The following HS3ST5 variants were observed in gnomAD, a reference collection of about 807,000 sequenced individuals.
HS3ST5 encodes heparan sulfate glucosamine 3-O-sulfotransferase 5.
HS3ST5 carries 10 observed loss-of-function variants against 25.4 expected under a neutral mutation model. The ratio of observed to expected loss-of-function variants is 0.39; its 90% confidence interval spans 0.24 to 0.67. HS3ST5 has a LOEUF of 0.67. Among genes scored for constraint, HS3ST5 ranks in the 30% least tolerant of loss-of-function variants. HS3ST5 has a pLI of 0.44. For missense variants in HS3ST5, 324 were observed against 420.7 expected (o/e 0.77, Z 2.01); for synonymous variants, 170 against 162.4 (o/e 1.05, Z -0.36).
chr6:114,162,888 A>G (rs1265448977), intron 3 of HS3ST5, among the ~76,000 whole-genome samples: 1 of 152,078 alleles, frequency 6.6e-6, no homozygotes, highest in Non-Finnish European at 1.5e-5. Flanking sequence ...CAGTTGCAAT[A>G]TTACGTAACT....
chr6:114,147,761 A>G (rs548146888), intron 3 of HS3ST5, among the ~76,000 whole-genome samples: 2 of 152,216 alleles, frequency 1.3e-5, no homozygotes, highest in Admixed American at 1.3e-4. Flanking sequence ...TTGTATTTTT[A>G]GTAGAGACAG....
At chr6:114,081,365 A>T (rs977325130) in intron 3 of HS3ST5, among the ~76,000 whole-genome samples, 4 of 152,234 alleles carry the variant, frequency 2.6e-5, no homozygotes, top group African/African-American at 9.6e-5. Flanking sequence ...AATTAAAAAA[A>T]AAAAGCAGTA....
intron 2 of HS3ST5, among the ~76,000 whole-genome samples, chr6:114,198,352 G>A (rs1475089481): frequency 6.6e-6 from 1 of 152,116 alleles, no homozygotes; most frequent in East Asian, 1.9e-4. Context: ...AAGCAACTTG[G>A]AAAACATATT....
chr6:114,204,153 G>C (rs1444862929), intron 2 of HS3ST5, among the ~76,000 whole-genome samples: 2 of 152,162 alleles, frequency 1.3e-5, no homozygotes, highest in Non-Finnish European at 2.9e-5. Context: ...CTTTGTTCAG[G>C]TGTGGTTACA....
chr6:114,331,695 A>G (rs1008010357), intron 1 of HS3ST5, among the ~76,000 whole-genome samples: 13 of 151,918 alleles, frequency 8.6e-5, no homozygotes, highest in Non-Finnish European at 1.0e-4. Flanking sequence ...ATGCACATCT[A>G]AAAAAAGAGT....
chr6:114,332,984 T>C (rs549558312), intron 1 of HS3ST5, among the ~76,000 whole-genome samples: 30 of 152,188 alleles, frequency 2.0e-4, no homozygotes, highest in Admixed American at 1.3e-3. Context: ...GCTTTGTAGG[T>C]TGAGCTAGTT....
At chr6:114,254,051 GGAGAAAAGA>G in intron 1 of HS3ST5, among the ~76,000 whole-genome samples, 1 of 152,276 alleles carries the variant, frequency 6.6e-6, no homozygotes, top group Non-Finnish European at 1.5e-5. Context: ...TAAAAGGAGA[GGAGAAAAGA>G]GAGAGAAGAG....
chr6:114,283,868 C>A (rs147757746), intron 1 of HS3ST5, among the ~76,000 whole-genome samples: 2 of 151,990 alleles, frequency 1.3e-5, no homozygotes, highest in African/African-American at 2.4e-5. Flanking sequence ...TTTTCAGAAG[C>A]AGGTGGATTA....
intron 3 of HS3ST5, among the ~76,000 whole-genome samples, chr6:114,090,149 T>TTAACAGAA (rs1167195303): frequency 2.0e-5 from 3 of 152,180 alleles, no homozygotes; most frequent in African/African-American, 7.2e-5. Flanking sequence ...GTCCGTGCTT[T>TTAACAGAA]TAAACAGAAT....
intron 1 of HS3ST5, among the ~76,000 whole-genome samples, chr6:114,327,028 A>C (rs1354117851): frequency 6.6e-6 from 1 of 151,478 alleles, no homozygotes; most frequent in African/African-American, 2.5e-5. Flanking sequence ...GTATCCACAC[A>C]ACTGCTGTTT....
intron 1 of HS3ST5, among the ~76,000 whole-genome samples, chr6:114,246,472 A>G (rs1192189206): frequency 1.3e-5 from 2 of 152,234 alleles, no homozygotes; most frequent in African/African-American, 4.8e-5. Flanking sequence ...GAGGGCTTCA[A>G]CAACAATGTT....
chr6:114,287,286 AC>A (rs1010029099), intron 1 of HS3ST5, among the ~76,000 whole-genome samples: 1 of 151,984 alleles, frequency 6.6e-6, no homozygotes, highest in Non-Finnish European at 1.5e-5. Flanking sequence ...TCATTAGTTT[AC>A]AAACCCTATC....
chr6:114,295,209 G>A (rs1774764516), intron 1 of HS3ST5, among the ~76,000 whole-genome samples: 1 of 151,936 alleles, frequency 6.6e-6, no homozygotes, highest in Admixed American at 6.6e-5. Flanking sequence ...GAAAATAAGG[G>A]GAAAAATAAA....
chr6:114,099,962 G>GA (rs1445138254), intron 3 of HS3ST5, among the ~76,000 whole-genome samples: 1 of 152,112 alleles, frequency 6.6e-6, no homozygotes, highest in Non-Finnish European at 1.5e-5. Context: ...CTAAGAAATG[G>GA]AAAAAAATGT....
intron 3 of HS3ST5, among the ~76,000 whole-genome samples, chr6:114,126,929 C>G (rs906771006): frequency 2.0e-5 from 3 of 152,128 alleles, no homozygotes; most frequent in African/African-American, 7.2e-5. Flanking sequence ...GCCAACTGTG[C>G]GACCCTTAAG....
At chr6:114,154,849 T>A (rs926220261) in intron 3 of HS3ST5, among the ~76,000 whole-genome samples, 57 of 152,300 alleles carry the variant, frequency 3.7e-4, no homozygotes, top group African/African-American at 1.2e-3. Context: ...CTGATAAGTC[T>A]TCCCTGACTG....
intron 3 of HS3ST5, among the ~76,000 whole-genome samples, chr6:114,081,823 A>G (rs1774465535): frequency 6.6e-6 from 1 of 152,220 alleles, no homozygotes; most frequent in Non-Finnish European, 1.5e-5. Flanking sequence ...TATCAATACC[A>G]TCGCTCACTA....
At chr6:114,331,286 T>TAAAA (rs1776385391) in intron 1 of HS3ST5, among the ~76,000 whole-genome samples, 2 of 152,212 alleles carry the variant, frequency 1.3e-5, no homozygotes, top group African/African-American at 4.8e-5. Flanking sequence ...ATCTTCAAAA[T>TAAAA]AGTTTAAGAA....
intron 2 of HS3ST5, among the ~76,000 whole-genome samples, chr6:114,210,058 T>C (rs1447026097): frequency 6.6e-6 from 1 of 152,162 alleles, no homozygotes; most frequent in African/African-American, 2.4e-5. Context: ...AATTGATATG[T>C]CATCCAAGGC....
Sources: gnomAD v4.1 joint callset for allele counts (sites outside exome capture counted in the v4.1 genomes callset) on GRCh38, gnomAD v4.1.1 for gene constraint, MANE v1.5 for transcripts, NCBI Gene and HGNC (gene_info 2026-07-23, HGNC 2026-07-21) for gene names.